Variants in GALK2 observed in about 807,000 individuals in gnomAD.
GALK2 encodes N-acetylgalactosamine kinase.
A neutral mutation model predicts 52.4 loss-of-function variants in GALK2; 36 were observed. That is an observed-to-expected ratio of 0.69 (90% confidence interval 0.53 to 0.91). GALK2 has a LOEUF of 0.91. Ranked by LOEUF, GALK2 falls within the 40% of genes least tolerant of loss-of-function variation. GALK2 has a pLI of 0.00. For missense variants in GALK2, 579 were observed against 559.1 expected (o/e 1.04, Z -0.36); for synonymous variants, 176 against 199.1 (o/e 0.88, Z 0.98).
At chr15:49,163,594 A>G (rs1412616805) in intron 1 of GALK2, among the ~76,000 whole-genome samples, 2 of 152,224 alleles carry the variant, frequency 1.3e-5, no homozygotes, top group Non-Finnish European at 2.9e-5. Context: ...CGCTTTTTCA[A>G]TTGAGTTGTC....
At chr15:49,251,024 T>A (rs960514866) in intron 5 of GALK2, among the ~76,000 whole-genome samples, 1 of 152,128 alleles carries the variant, frequency 6.6e-6, no homozygotes, top group Admixed American at 6.6e-5. Context: ...TTCCAAAGAA[T>A]ACGAAAACAA....
intron 7 of GALK2, among the ~76,000 whole-genome samples, chr15:49,291,748 T>TA (rs1233108912): frequency 6.6e-6 from 1 of 152,188 alleles, no homozygotes; most frequent in Non-Finnish European, 1.5e-5. Flanking sequence ...TAGAGGAACA[T>TA]ATAGCTCTAC....
At chr15:49,218,517 A>G (rs773416325) in intron 3 of GALK2, among the ~76,000 whole-genome samples, 1 of 152,176 alleles carries the variant, frequency 6.6e-6, no homozygotes, top group Non-Finnish European at 1.5e-5. Context: ...AGTAGGAAAG[A>G]GCATGAAGAA....
intron 1 of GALK2, among the ~76,000 whole-genome samples, chr15:49,197,385 T>C (rs1343418519): frequency 6.6e-6 from 1 of 152,184 alleles, no homozygotes; most frequent in Admixed American, 6.5e-5. Flanking sequence ...TTCAGTTCTG[T>C]CATATTATTT....
chr15:49,155,827 C>G (rs947848816), exon 1 of GALK2: 2 of 754,704 alleles, frequency 2.7e-6, no homozygotes, highest in African/African-American at 3.5e-5. Context: ...TCGTCCGGTG[C>G]TGCAGGTCTC....
chr15:49,215,597 T>C (rs2089304515), intron 2 of GALK2, among the ~76,000 whole-genome samples: 2 of 152,344 alleles, frequency 1.3e-5, no homozygotes, highest in South Asian at 4.1e-4. Flanking sequence ...TATTTTAATC[T>C]CTTTGTTAAA....
intron 2 of GALK2, among the ~76,000 whole-genome samples, chr15:49,213,569 T>A (rs1459627055): frequency 6.6e-6 from 1 of 152,142 alleles, no homozygotes; most frequent in Non-Finnish European, 1.5e-5. Flanking sequence ...TCTATTTTAT[T>A]TTATTTTTTT....
intron 9 of GALK2, among the ~76,000 whole-genome samples, chr15:49,324,854 G>A (rs2037206316): frequency 6.6e-6 from 1 of 152,106 alleles, no homozygotes; most frequent in African/African-American, 2.4e-5. Context: ...GTGCTGGGCT[G>A]GGGTCAGAGA....
chr15:49,183,601 T>C (rs2086130614), intron 1 of GALK2, among the ~76,000 whole-genome samples: 1 of 152,206 alleles, frequency 6.6e-6, no homozygotes, highest in African/African-American at 2.4e-5. Context: ...CCCAGCACTT[T>C]GGGAGGCCAA....
intron 5 of GALK2, among the ~76,000 whole-genome samples, chr15:49,272,741 G>A (rs912796924): frequency 2.0e-5 from 3 of 152,242 alleles, no homozygotes; most frequent in East Asian, 1.9e-4. Flanking sequence ...AGTACAGGCC[G>A]TGATGGTTGA....
intron 1 of GALK2, among the ~76,000 whole-genome samples, chr15:49,198,228 G>T (rs1007287545): frequency 6.6e-6 from 1 of 152,176 alleles, no homozygotes; most frequent in Non-Finnish European, 1.5e-5. Context: ...AGGCTGGAGT[G>T]CAATGGCGCG....
intron 3 of GALK2, among the ~76,000 whole-genome samples, chr15:49,227,017 T>G (rs956685128): frequency 6.6e-6 from 1 of 152,242 alleles, no homozygotes; most frequent in Non-Finnish European, 1.5e-5. Context: ...TTTTAAGAAA[T>G]TTGTTGAGGC....
intron 5 of GALK2, among the ~76,000 whole-genome samples, chr15:49,278,193 G>A (rs1010116414): frequency 6.6e-6 from 1 of 152,166 alleles, no homozygotes; most frequent in Non-Finnish European, 1.5e-5. Context: ...CCCGGGAGGC[G>A]GAGCTTGCAG....
intron 8 of GALK2, among the ~76,000 whole-genome samples, chr15:49,295,220 T>C (rs181298619): frequency 3.3e-5 from 5 of 151,472 alleles, no homozygotes; most frequent in African/African-American, 7.3e-5. Flanking sequence ...AAAAGAAATA[T>C]AAGGTAAATA....
intron 5 of GALK2, among the ~76,000 whole-genome samples, chr15:49,262,633 C>G (rs1265870381): frequency 6.6e-6 from 1 of 151,320 alleles, no homozygotes; most frequent in Non-Finnish European, 1.5e-5. Context: ...TTTGCTCTTG[C>G]TTTTCTAGTT....
rs1442623193 is a variant in GALK2, at chr15:49,283,638, G to A, written c.676G>A (p.Ala226Thr). 1 of 1,614,030 alleles carries A rather than the reference G, an allele frequency of 6.2e-7. No individual in the cohort carries two copies. The highest frequency in any genetic ancestry group is 1.1e-5 in the South Asian group (1 of 91,074). ...KLPSGAVFVI[A>T]NSCVEMNKAA... The stretch of plus-strand genomic sequence containing the variant: ...CCCAAGTGGAGCAGTGTTTGTGATT[G>A]CCAACAGTTGTGTGGAGATGAATAA... The change falls in exon 7 of 10, where the codon GCC becomes ACC. Residue 226 changes from alanine (A) to threonine (T), a missense_variant. Coordinates refer to ENST00000560031, the MANE Select transcript of GALK2 (RefSeq NM_002044.4).
chr15:49,331,979 A>G (rs2038852410), downstream of GALK2: 2 of 646,236 alleles, frequency 3.1e-6, no homozygotes, highest in South Asian at 3.6e-5. Context: ...TATTAATTCA[A>G]TTACCCTTAA....
intron 3 of GALK2, among the ~76,000 whole-genome samples, chr15:49,364,424 G>A (rs1231215377): frequency 6.6e-6 from 1 of 151,980 alleles, no homozygotes; most frequent in Non-Finnish European, 1.5e-5. Flanking sequence ...TAGTCTTGGA[G>A]GTTGTTTTGT....
At chr15:49,170,158 G>T, upstream of GALK2, 1 of 1,447,218 alleles carries the variant, frequency 6.9e-7, no homozygotes, top group Non-Finnish European at 9.1e-7. Flanking sequence ...GCCAGAGGAG[G>T]GGCCGATTGG....
Sources: gnomAD v4.1 joint callset for allele counts (sites outside exome capture counted in the v4.1 genomes callset) on GRCh38, gnomAD v4.1.1 for gene constraint, MANE v1.5 for transcripts, NCBI Gene and HGNC (gene_info 2026-07-23, HGNC 2026-07-21) for gene names.